ARMH1: variants seen among roughly 807,000 people sequenced by gnomAD.
ARMH1 encodes armadillo like helical domain containing 1.
A neutral mutation model predicts 50.2 loss-of-function variants in ARMH1; 34 were observed. The observed-to-expected ratio is 0.68, with a 90% CI of 0.51 to 0.90. The LOEUF is 0.90. ARMH1 is among the 40% of genes least tolerant of loss of function. The pLI is 0.00. For missense variants in ARMH1, 538 were observed against 553.9 expected (o/e 0.97, Z 0.29); for synonymous variants, 221 against 224.2 (o/e 0.99, Z 0.13).
At position 44,724,188 on chromosome 1, in the gene ARMH1, C is replaced by T. The variant is rs770799210; in HGVS notation, c.791C>T (p.Ala264Val). The T allele has an allele frequency of 1.9e-6, 3 of 1,551,732 alleles. No homozygotes were observed. The highest frequency in any genetic ancestry group is 2.0e-5 in the Admixed American group (1 of 51,004). ...CAGGCGCTGCTCAAGGGCCTCGTGG[C>T]GCTGCTGATACCGTCGGTCAAGGAG... ...VRQALLKGLVALLIPSVKEIS... is the reference protein window; with the variant it reads ...VRQALLKGLVVLLIPSVKEIS... The change falls in exon 7 of 12, where the codon GCG (alanine) becomes GTG (valine). Residue 264 changes from alanine to valine, a missense_variant. Ala to Val is a moderately conservative substitution (Grantham distance 64, BLOSUM62 0). Transcript: ENST00000535358. The surrounding 1 kb of genome is among the most constrained non-coding windows in gnomAD (Gnocchi z 6.4).
chr1:44,691,711 A>T (rs1474628278), intron 2 of ARMH1, among the ~76,000 whole-genome samples: 1 of 152,194 alleles, frequency 6.6e-6, no homozygotes, highest in African/African-American at 2.4e-5. Context: ...TCTCTCTTGA[A>T]TCTGAGTTCC....
intron 1 of ARMH1, among the ~76,000 whole-genome samples, chr1:44,684,879 T>C (rs2148585816): frequency 6.6e-6 from 1 of 152,274 alleles, no homozygotes; most frequent in South Asian, 2.1e-4. Flanking sequence ...AGGGAAGGTC[T>C]ACACACAGCA....
At chr1:44,721,867 G>GAAAGATTT (rs1647251703) in intron 6 of ARMH1, 1 of 152,178 alleles carries the variant, frequency 6.6e-6, no homozygotes, top group South Asian at 2.1e-4. Context: ...AGTAAAAGGC[G>GAAAGATTT]AAAGATTTAT....
intron 6 of ARMH1, among the ~76,000 whole-genome samples, chr1:44,709,153 C>T (rs141853896): frequency 9.4e-4 from 143 of 152,288 alleles, no homozygotes; most frequent in African/African-American, 3.3e-3. Flanking sequence ...ATCACTCCCT[C>T]ACTTTCTTTT....
chr1:44,725,478 A>G lies in ARMH1; in HGVS notation c.*75A>G. The G allele has an allele frequency of 6.9e-7, 1 of 1,440,268 alleles. No individual in the cohort carries two copies. Among genetic ancestry groups the G allele is most frequent in the Non-Finnish European group, 9.5e-7 (1 of 1,048,534 alleles). 89.2% of individuals were successfully genotyped at this position (1,440,268 alleles called of 1,614,324 possible). A position where few individuals can be genotyped will look rare whatever the true frequency, so the allele number is the denominator to read the frequency against. On this transcript the variant is annotated 3_prime_UTR_variant, in exon 12 of 12. Transcript: ENST00000535358. ...TGGCAAGAGGAAGGCGCCTGGGGTCAAGCTCAGAGCCACTCCACTTGGCTC... is the reference window on the plus strand; with the variant it reads ...TGGCAAGAGGAAGGCGCCTGGGGTCGAGCTCAGAGCCACTCCACTTGGCTC...
rs114393016 is a variant in ARMH1 at position 44,679,260 on chromosome 1, A to G, written c.-23+4387A>G. 7.6e-3 allele frequency among the ~76,000 whole-genome samples: 1,153 copies of G among 152,356 alleles called. 13 individuals carry two copies. The highest frequency in any genetic ancestry group is 0.026 in the African/African-American group (1,084 of 41,588). On this transcript the variant is annotated intron_variant, in intron 1 of 11. Coordinates refer to ENST00000535358, the MANE Select transcript of ARMH1 (RefSeq NM_001145636.2). ...GAGAGATCCCAATAAGCATGATGGC[A>G]TACATATATTTTTCTCTGGCATTCC...
rs554139521 is a variant in ARMH1, at chr1:44,703,642, C to T, written c.640-447C>T. 7.9e-5 allele frequency among the ~76,000 whole-genome samples: 12 copies of T among 150,964 alleles called. No individual in the cohort carries two copies. In the South Asian group the frequency reaches 8.4e-4, roughly 11 times the overall value. On this transcript the variant is annotated intron_variant, in intron 5 of 11. Transcript: ENST00000535358. ...TACTCAGAGGCTGAAGCAGAAGAAT[C>T]GTTTGAGCCCAGGAGGCGGAGGTTG... is the stretch of plus-strand genomic sequence containing the variant.
intron 6 of ARMH1, among the ~76,000 whole-genome samples, chr1:44,715,607 T>C (rs936414183): frequency 1.3e-5 from 2 of 152,204 alleles, no homozygotes; most frequent in African/African-American, 4.8e-5. Context: ...TCACCCAGGC[T>C]GGAGTGCAGT....
chr1:44,725,038 C>G (rs961989685), intron 10 of ARMH1, 98 bp from the exon 11 acceptor site: 1 of 1,530,744 alleles, frequency 6.5e-7, no homozygotes, highest in African/African-American at 1.4e-5. Flanking sequence ...GTCAGGCTGC[C>G]GACCCGCCCC....
At position 44,697,121 on chromosome 1, in the gene ARMH1, T is replaced by G; in HGVS notation, c.226T>G (p.Leu76Val). The change falls in exon 3 of 12, where the codon TTA becomes GTA. Residue 76 changes from leucine (L) to valine (V), a missense_variant. By Grantham distance (32) the Leu-to-Val change is conservative. Transcript: ENST00000535358. ...ATACAGCTATATGACTGACTCATGT[T>G]TAGAAAAGCTTCTCAGGTCCATTGG... is the stretch of plus-strand genomic sequence containing the variant. ...LRITYMTDSCLEKLLRSIGIF... is the reference protein window; with the variant it reads ...LRITYMTDSCVEKLLRSIGIF... The G allele has an allele frequency of 1.3e-6, 2 of 1,552,152 alleles. No individual in the cohort carries two copies. The highest frequency in any genetic ancestry group is 1.7e-6 in the Non-Finnish European group (2 of 1,146,996).
chr1:44,676,947 T>G (rs1645159944), intron 1 of ARMH1, among the ~76,000 whole-genome samples: 1 of 152,110 alleles, frequency 6.6e-6, no homozygotes, highest in Non-Finnish European at 1.5e-5. Flanking sequence ...AAAAAAGACT[T>G]CACCAAAGTG....
intron 6 of ARMH1, among the ~76,000 whole-genome samples, chr1:44,713,523 C>T (rs991782540): frequency 6.6e-6 from 1 of 152,294 alleles, no homozygotes; most frequent in Non-Finnish European, 1.5e-5. Context: ...GGGAGACTTT[C>T]ACATAAAAAC....
chr1:44,680,170 T>A (rs1198231317), intron 1 of ARMH1, among the ~76,000 whole-genome samples: 1 of 122,740 alleles, frequency 8.1e-6, no homozygotes, highest in African/African-American at 3.2e-5. Flanking sequence ...GGGCCAAGTT[T>A]GTTTGTTTGT....
intron 2 of ARMH1, among the ~76,000 whole-genome samples, chr1:44,694,875 TGG>T (rs1388798829): frequency 6.6e-6 from 1 of 152,228 alleles, no homozygotes; most frequent in Non-Finnish European, 1.5e-5. Flanking sequence ...TTATGTCATT[TGG>T]GCCTAACACC....
intron 1 of ARMH1, among the ~76,000 whole-genome samples, chr1:44,687,451 G>A (rs1317449124): frequency 2.0e-5 from 3 of 152,170 alleles, no homozygotes; most frequent in Non-Finnish European, 4.4e-5. Context: ...GTATAAGCTC[G>A]TTATTTGGAA....
intron 6 of ARMH1, among the ~76,000 whole-genome samples, chr1:44,716,203 A>G (rs1275075387): frequency 6.6e-6 from 1 of 151,230 alleles, no homozygotes; most frequent in Non-Finnish European, 1.5e-5. Flanking sequence ...TGTCTATGGC[A>G]CCTCGTCCGC....
In ARMH1 at chr1:44,681,896, G is replaced by A. The variant is rs1645325357; in HGVS notation, c.-23+7023G>A. Among the ~76,000 whole-genome samples, 1 of 152,128 alleles carries A rather than the reference G, an allele frequency of 6.6e-6. No homozygotes were observed. The highest frequency in any genetic ancestry group is 2.1e-4 in the South Asian group (1 of 4,826). On this transcript the variant is annotated intron_variant, in intron 1 of 11. Transcript: ENST00000535358. This position sits in a 1 kb window ranked among gnomAD's most constrained non-coding sequence, Gnocchi z 4.3. ...GTGTTGGTTGGAGGTGAAAGCGGGA[G>A]GTCGCTGGAGTCTGCATTCCATGTC...
In ARMH1 at chr1:44,682,815, C is replaced by G. The variant is rs1186198094; in HGVS notation, c.-22-6861C>G. Among the ~76,000 whole-genome samples the G allele has an allele frequency of 4.6e-5, 7 of 152,104 alleles. No homozygotes were observed. The highest frequency in any genetic ancestry group is 1.0e-4 in the Non-Finnish European group (7 of 68,022). On this transcript the variant is annotated intron_variant, in intron 1 of 11. Transcript: ENST00000535358. This position sits in a 1 kb window ranked among gnomAD's most constrained non-coding sequence, Gnocchi z 4.5. ...ATTAGGTGGGCATGGTGGCATGCAC[C>G]TGTAGTCCCAGCTACTCAGGAGGCT...
intron 6 of ARMH1, among the ~76,000 whole-genome samples, chr1:44,707,364 T>C (rs1000265305): frequency 2.6e-5 from 4 of 152,230 alleles, no homozygotes; most frequent in Admixed American, 2.0e-4. Flanking sequence ...GGACTGGGTC[T>C]GATTCATCTT....
Sources: allele counts gnomAD v4.1 joint callset (sites outside exome capture counted in the v4.1 genomes callset), GRCh38; gene constraint gnomAD v4.1.1; non-coding constraint Gnocchi (gnomAD v3.1); transcripts MANE v1.5; gene names NCBI Gene and HGNC (gene_info 2026-07-23, HGNC 2026-07-21).